The following ASTN2 variants were observed in gnomAD, a reference collection of about 807,000 sequenced individuals.
ASTN2 encodes astrotactin 2.
Under a neutral mutation model 139.8 loss-of-function variants are expected in ASTN2, and 54 were observed. The observed-to-expected ratio is 0.39, with a 90% CI of 0.31 to 0.48. The LOEUF (loss-of-function observed/expected upper bound fraction) is 0.48. ASTN2 is among the 20% of genes least tolerant of loss of function. The pLI is 0.95. For synonymous variants in ASTN2, 756 were observed against 719.5 expected, an observed-to-expected ratio of 1.05 and a Z score of -0.81; for missense variants, 1,565 against 1,725.1, an observed-to-expected ratio of 0.91 and a Z score of 1.64.
intron 5 of ASTN2, among the ~76,000 whole-genome samples, chr9:117,083,808 A>G (rs1463498259): frequency 2.0e-5 from 3 of 152,090 alleles, no homozygotes; most frequent in Admixed American, 1.3e-4. Flanking sequence ...CCTGACAGCC[A>G]TCTCCCTCCC....
At chr9:117,137,456 G>A (rs1829979421) in intron 4 of ASTN2, among the ~76,000 whole-genome samples, 1 of 152,150 alleles carries the variant, frequency 6.6e-6, no homozygotes, top group African/African-American at 2.4e-5. Context: ...AGAGGATTCA[G>A]ACCATCCTAT....
intron 10 of ASTN2, 140 bp from the exon 11 acceptor site, chr9:116,863,873 AAAC>A: frequency 2.1e-6 from 2 of 974,088 alleles, no homozygotes; most frequent in Non-Finnish European, 1.5e-6. Context: ...TATAAAAAGG[AAAC>A]AACAACAGGT....
rs561975378 is a variant in ASTN2, at chr9:117,056,946, A to C, written c.1277-16981T>G. ...ACGTCTTTCAAAGCCTCATATCCCC[A>C]TATGTAAAACAGAACTAATAAAATA... On this transcript the variant is annotated intron_variant, in intron 5 of 22. Coordinates refer to ENST00000313400, the MANE Select transcript of ASTN2 (RefSeq NM_001365068.1). Among the ~76,000 whole-genome samples, 163 of 152,348 alleles carry C rather than the reference A, an allele frequency of 1.1e-3. 1 individual carries two copies. Among genetic ancestry groups the C allele is most frequent in the African/African-American group, 3.7e-3 (155 of 41,592 alleles).
chr9:117,202,438 C>T (rs1030731695), intron 3 of ASTN2, among the ~76,000 whole-genome samples: 11 of 152,018 alleles, frequency 7.2e-5, no homozygotes, highest in Admixed American at 5.9e-4. Flanking sequence ...ATATTGTCAT[C>T]GGTCTTCATA....
intron 1 of ASTN2, among the ~76,000 whole-genome samples, chr9:117,322,499 C>G (rs1254286728): frequency 2.0e-5 from 3 of 152,168 alleles, no homozygotes; most frequent in African/African-American, 7.2e-5. Context: ...AGAGATAACT[C>G]ATCTAACATC....
At chr9:117,176,839 G>A (rs922676426) in intron 3 of ASTN2, among the ~76,000 whole-genome samples, 3 of 152,146 alleles carry the variant, frequency 2.0e-5, no homozygotes, top group Non-Finnish European at 4.4e-5. Context: ...GACTGAGGTA[G>A]GAGATTGCTT....
In ASTN2 at chr9:117,201,911, G is replaced by A. The variant is rs538631401; in HGVS notation, c.1015+12447C>T. On this transcript the variant is annotated intron_variant, in intron 3 of 22. Coordinates refer to ENST00000313400, the MANE Select transcript of ASTN2 (RefSeq NM_001365068.1). ...AATATCCTTGTTAATTTTCTGTCTCGTTGATCTGTCTAATACTAACAGTGG... is the reference window on the plus strand; with the variant it reads ...AATATCCTTGTTAATTTTCTGTCTCATTGATCTGTCTAATACTAACAGTGG... 1.3e-3 allele frequency among the ~76,000 whole-genome samples: 193 copies of A among 152,180 alleles called. 1 individual carries two copies. Among genetic ancestry groups the A allele is most frequent in the Middle Eastern group, 6.8e-3 (2 of 294 alleles).
intron 19 of ASTN2, among the ~76,000 whole-genome samples, chr9:116,540,998 C>T (rs1851854920): frequency 1.3e-5 from 2 of 150,348 alleles, no homozygotes. Flanking sequence ...TTGAATGCCA[C>T]ATCTAATGAA....
At chr9:117,366,919 T>C (rs553563253) in intron 1 of ASTN2, among the ~76,000 whole-genome samples, 45 of 152,100 alleles carry the variant, frequency 3.0e-4, no homozygotes, top group African/African-American at 1.1e-3. Flanking sequence ...GGACTACAGG[T>C]GCACACCACT....
At chr9:117,122,890 C>T (rs764054214) in intron 4 of ASTN2, among the ~76,000 whole-genome samples, 1 of 152,096 alleles carries the variant, frequency 6.6e-6, no homozygotes. Context: ...AAGCTTTTAA[C>T]CCTCAATGTC....
intron 1 of ASTN2, among the ~76,000 whole-genome samples, chr9:117,298,187 C>A (rs1237969978): frequency 1.3e-5 from 2 of 152,328 alleles, no homozygotes; most frequent in East Asian, 3.9e-4. Flanking sequence ...CCCTTCCTGG[C>A]CTGTTATGTG....
chr9:116,687,534 T>C (rs1047578564), intron 16 of ASTN2, among the ~76,000 whole-genome samples: 1 of 8,258 alleles, frequency 1.2e-4, no homozygotes. Flanking sequence ...AGGACTAGGG[T>C]GGGGGTGGGG....
chr9:117,071,049 G>T (rs1203565820), intron 5 of ASTN2, among the ~76,000 whole-genome samples: 2 of 149,086 alleles, frequency 1.3e-5, no homozygotes, highest in Non-Finnish European at 3.0e-5. Flanking sequence ...TCTGTTGCTG[G>T]TGAGGAGCTG....
At chr9:117,134,200 A>G (rs1163734755) in intron 4 of ASTN2, among the ~76,000 whole-genome samples, 1 of 150,598 alleles carries the variant, frequency 6.6e-6, no homozygotes, top group Non-Finnish European at 1.5e-5. Context: ...CAACTAATTT[A>G]AAGTCGCTAA....
chr9:117,375,415 C>T (rs1830095808), intron 1 of ASTN2, among the ~76,000 whole-genome samples: 1 of 152,208 alleles, frequency 6.6e-6, no homozygotes, highest in South Asian at 2.1e-4. Flanking sequence ...TCATCAAAGC[C>T]TTCCACAACC....
At chr9:116,969,494 C>T (rs895136228) in intron 10 of ASTN2, among the ~76,000 whole-genome samples, 3 of 152,090 alleles carry the variant, frequency 2.0e-5, no homozygotes, top group Non-Finnish European at 2.9e-5. Context: ...TCTGGCAACA[C>T]TTAATTGTGG....
intron 19 of ASTN2, among the ~76,000 whole-genome samples, chr9:116,508,681 G>A (rs1450406759): frequency 6.6e-6 from 1 of 152,132 alleles, no homozygotes; most frequent in Non-Finnish European, 1.5e-5. Flanking sequence ...GTATCAGAGA[G>A]GGGAGGTGAT....
chr9:116,916,053 A>G (rs764279387), intron 10 of ASTN2, among the ~76,000 whole-genome samples: 2 of 152,230 alleles, frequency 1.3e-5, no homozygotes, highest in South Asian at 2.1e-4. Context: ...ATTGCAGGAC[A>G]CTTAGCTGGT....
At chr9:117,209,444 A>T (rs187310745) in intron 3 of ASTN2, among the ~76,000 whole-genome samples, 4 of 152,264 alleles carry the variant, frequency 2.6e-5, no homozygotes, top group Admixed American at 2.6e-4. Context: ...TCAATGCTGT[A>T]AAAATAGACA....
Sources: allele counts gnomAD v4.1 joint callset (sites outside exome capture counted in the v4.1 genomes callset), GRCh38; gene constraint gnomAD v4.1.1; transcripts MANE v1.5; gene names NCBI Gene and HGNC (gene_info 2026-07-23, HGNC 2026-07-21).